WDPCP: variants seen among roughly 807,000 people sequenced by gnomAD.
WDPCP encodes WD repeat-containing and planar cell polarity effector protein fritz homolog.
Under a neutral mutation model 93.1 loss-of-function variants are expected in WDPCP, and 71 were observed. The ratio of observed to expected loss-of-function variants is 0.76; its 90% CI spans 0.63 to 0.93. The LOEUF (loss-of-function observed/expected upper bound fraction) is 0.93, where lower values mean the gene tolerates loss of function less well. WDPCP is among the 40% of genes least tolerant of loss of function. WDPCP has a pLI of 0.00. For synonymous variants in WDPCP, 315 were observed against 315.0 expected (o/e 1.00, Z 0.00); for missense variants, 844 against 887.4 (o/e 0.95, Z 0.62).
At chr2:63,741,706 C>T (rs144605990) in intron 2 of WDPCP, among the ~76,000 whole-genome samples, 1 of 151,988 alleles carries the variant, frequency 6.6e-6, no homozygotes, top group East Asian at 1.9e-4. Context: ...TTTAAAAACC[C>T]TCTGATTTCT....
chr2:63,307,806 C>G (rs1685858646), intron 13 of WDPCP, among the ~76,000 whole-genome samples: 1 of 152,064 alleles, frequency 6.6e-6, no homozygotes, highest in Non-Finnish European at 1.5e-5. Context: ...ATTCAGGACA[C>G]AGGCATGGGC....
intron 15 of WDPCP, among the ~76,000 whole-genome samples, chr2:63,168,107 CAAAAAAA>C (rs957507138): frequency 3.5e-3 from 187 of 53,522 alleles, no homozygotes; most frequent in African/African-American, 9.7e-3. Context: ...GAGACCCTGC[CAAAAAAA>C]AAAAAAAAAA....
At chr2:63,433,632 T>TC in intron 9 of WDPCP, 113 bp downstream of exon 9, 1 of 1,159,944 alleles carries the variant, frequency 8.6e-7, no homozygotes, top group Non-Finnish European at 1.2e-6. Context: ...TTTGAATATT[T>TC]GAAAAACATA....
chr2:63,260,460 A>T (rs1295334975), intron 13 of WDPCP, among the ~76,000 whole-genome samples: 1 of 152,226 alleles, frequency 6.6e-6, no homozygotes, highest in African/African-American at 2.4e-5. Flanking sequence ...AATTGGATAA[A>T]TCTTTAAAAG....
Position 63,756,265 on chromosome 2 carries a change from C to T in WDPCP, n.308+57357G>A, listed in dbSNP as rs144561130. On this transcript the variant is annotated intron_variant and non_coding_transcript_variant, in intron 2 of 4. Transcript: ENST00000467687. ...TTTAAAGTAAGTTTGCTTGACTACACTTGATTGGAATGATAGAAGTAGCAC... is the reference window on the plus strand; with the variant it reads ...TTTAAAGTAAGTTTGCTTGACTACATTTGATTGGAATGATAGAAGTAGCAC... 4.1e-3 allele frequency among the ~76,000 whole-genome samples: 630 copies of T among 152,272 alleles called. 3 individuals carry two copies. The highest frequency in any genetic ancestry group is 0.014 in the African/African-American group (588 of 41,556).
intron 2 of WDPCP, among the ~76,000 whole-genome samples, chr2:63,749,943 A>G (rs1410614690): frequency 6.6e-6 from 1 of 152,070 alleles, no homozygotes; most frequent in Non-Finnish European, 1.5e-5. Flanking sequence ...TGCTCTTCCA[A>G]TGCAAATATC....
intron 10 of WDPCP, among the ~76,000 whole-genome samples, chr2:63,391,446 G>C (rs540993981): frequency 1.8e-4 from 27 of 152,200 alleles, no homozygotes; most frequent in South Asian, 6.2e-4. Flanking sequence ...TACTGAATGG[G>C]CAAAAACGGG....
intron 15 of WDPCP, among the ~76,000 whole-genome samples, chr2:63,164,122 A>T (rs1322090856): frequency 6.6e-6 from 1 of 152,218 alleles, no homozygotes; most frequent in South Asian, 2.1e-4. Flanking sequence ...CTTGGAAAGG[A>T]TAATCTAATA....
chr2:63,699,900 G>T (rs1471651849), intron 2 of WDPCP, among the ~76,000 whole-genome samples: 2 of 152,190 alleles, frequency 1.3e-5, no homozygotes, highest in African/African-American at 4.8e-5. Context: ...AGGGTAGATG[G>T]TGAGAAATGA....
chr2:63,655,906 G>A (rs1710161296), intron 2 of WDPCP, among the ~76,000 whole-genome samples: 1 of 152,158 alleles, frequency 6.6e-6, no homozygotes, highest in African/African-American at 2.4e-5. Context: ...CTTATGAACT[G>A]CAATGTGTAA....
intron 1 of WDPCP, among the ~76,000 whole-genome samples, chr2:63,567,172 T>A (rs2106447781): frequency 6.6e-6 from 1 of 152,262 alleles, no homozygotes; most frequent in South Asian, 2.1e-4. Flanking sequence ...AATAATTAAA[T>A]CTCTGGACAT....
chr2:63,281,308 C>T (rs1247746768), intron 13 of WDPCP, among the ~76,000 whole-genome samples: 1 of 152,032 alleles, frequency 6.6e-6, no homozygotes, highest in Non-Finnish European at 1.5e-5. Context: ...CAAGAATGGC[C>T]ATAATAAAAG....
At position 63,121,789 on chromosome 2, in the gene WDPCP, G is replaced by C; in HGVS notation, c.*217C>G. 1 of 1,219,684 alleles carries C rather than the reference G, an allele frequency of 8.2e-7. No homozygotes were observed. Among genetic ancestry groups the C allele is most frequent in the Non-Finnish European group, 1.1e-6 (1 of 925,686 alleles). The allele number at this position is 1,219,684 out of a possible 1,614,324, so 75.6% of individuals were successfully genotyped here. On this transcript the variant is annotated 3_prime_UTR_variant, in exon 18 of 18. Coordinates refer to ENST00000272321, the MANE Select transcript of WDPCP (RefSeq NM_015910.7). ...ATTTTACATTATTGAAAATAAGTAG[G>C]TTGAAGACTTTTACTTACGATCACT...
intron 1 of WDPCP, among the ~76,000 whole-genome samples, chr2:63,574,257 T>C (rs1707754343): frequency 6.6e-6 from 1 of 152,184 alleles, no homozygotes; most frequent in Non-Finnish European, 1.5e-5. Context: ...TGCCGACATG[T>C]GATGTCTCCC....
chr2:63,635,690 C>T (rs1487463555), intron 3 of WDPCP, among the ~76,000 whole-genome samples: 1 of 152,026 alleles, frequency 6.6e-6, no homozygotes, highest in Non-Finnish European at 1.5e-5. Context: ...AAATTAGGCA[C>T]ATAAGTAATG....
chr2:63,214,499 A>G (rs542280425), intron 14 of WDPCP, among the ~76,000 whole-genome samples: 1 of 152,216 alleles, frequency 6.6e-6, no homozygotes, highest in African/African-American at 2.4e-5. Flanking sequence ...ATTTATGACA[A>G]ACCCGCAGCC....
intron 9 of WDPCP, among the ~76,000 whole-genome samples, chr2:63,423,571 G>T (rs950294173): frequency 6.6e-6 from 1 of 152,162 alleles, no homozygotes; most frequent in African/African-American, 2.4e-5. Flanking sequence ...TCAAGGACCT[G>T]TTCTGAGTAA....
intron 12 of WDPCP, among the ~76,000 whole-genome samples, chr2:63,368,605 C>A (rs944160112): frequency 6.6e-6 from 1 of 151,084 alleles, no homozygotes; most frequent in Non-Finnish European, 1.5e-5. Context: ...GGATTATAGG[C>A]GTGAGCCACC....
At chr2:63,604,149 TATAA>T (rs1213338225) in intron 3 of WDPCP, among the ~76,000 whole-genome samples, 3 of 152,246 alleles carry the variant, frequency 2.0e-5, no homozygotes, top group African/African-American at 7.2e-5. Flanking sequence ...TTTCCTGATA[TATAA>T]AATGAGGACA....
Sources: allele counts gnomAD v4.1 joint callset (sites outside exome capture counted in the v4.1 genomes callset), GRCh38; gene constraint gnomAD v4.1.1; transcripts MANE v1.5; gene names NCBI Gene and HGNC (gene_info 2026-07-23, HGNC 2026-07-21).